PDK4: variants seen among roughly 807,000 people sequenced by gnomAD.
The protein encoded by PDK4 is pyruvate dehydrogenase kinase, isozyme 4.
PDK4 carries 43 observed loss-of-function variants against 51.7 expected under a neutral mutation model. That is an observed-to-expected ratio of 0.83 (90% CI 0.65 to 1.07). PDK4 has a LOEUF of 1.07. Among genes scored for constraint, PDK4 ranks in the 50% least tolerant of loss-of-function variants. The pLI is 0.00. For missense variants in PDK4, 498 were observed against 503.5 expected (o/e 0.99, Z 0.10); for synonymous variants, 170 against 176.6 (o/e 0.96, Z 0.30).
In PDK4 at chr7:95,596,266, T is replaced by C. The variant is rs1454319876; in HGVS notation, c.28A>G (p.Ser10Gly). 6.3e-7 allele frequency: 1 copy of C among 1,587,384 alleles called. No individual in the cohort carries two copies. The highest frequency in any genetic ancestry group is 8.6e-7 in the Non-Finnish European group (1 of 1,167,688). Residue 10 changes from serine (S) to glycine (G), a missense_variant, in exon 1 of 11, where the codon AGC becomes GGC. Transcript: ENST00000005178. Reference sequence around the variant, plus strand: ...CCGGCGCCGTTGAGCGAGCCAGCGCTGCGCAGCACGAAGCGGGCCGCCTTC... The same window carrying C: ...CCGGCGCCGTTGAGCGAGCCAGCGCCGCGCAGCACGAAGCGGGCCGCCTTC... Reference protein sequence around the residue: MKAARFVLRSAGSLNGAGLV... With the variant: MKAARFVLRGAGSLNGAGLV...
chr7:95,596,263 C>G lies in PDK4; in HGVS notation c.31G>C (p.Ala11Pro), dbSNP rs765886240. The change falls in exon 1 of 11, where the codon GCT becomes CCT. Residue 11 changes from alanine to proline, a missense_variant. By Grantham distance (27) the Ala-to-Pro change is conservative (BLOSUM62 -1). Coordinates refer to ENST00000005178, the MANE Select transcript of PDK4 (RefSeq NM_002612.4). ...AGGCCGGCGCCGTTGAGCGAGCCAGCGCTGCGCAGCACGAAGCGGGCCGCC... is the reference window on the plus strand; with the variant it reads ...AGGCCGGCGCCGTTGAGCGAGCCAGGGCTGCGCAGCACGAAGCGGGCCGCC... MKAARFVLRS[A>P]GSLNGAGLVP... 2 of 1,589,328 alleles carry G rather than the reference C, an allele frequency of 1.3e-6. No homozygotes were observed. Among genetic ancestry groups the G allele is most frequent in the Admixed American group, 3.5e-5 (2 of 56,580 alleles).
Position 95,593,705 on chromosome 7 carries a change from A to G in PDK4, c.338T>C (p.Leu113Ser), listed in dbSNP as rs2116719031. 1.3e-6 allele frequency: 2 copies of G among 1,493,292 alleles called. No individual in the cohort carries two copies. Among genetic ancestry groups the G allele is most frequent in the African/African-American group, 1.4e-5 (1 of 72,562 alleles). 92.5% of individuals were successfully genotyped at this position (1,493,292 alleles called of 1,614,324 possible). The change falls in exon 3 of 11, where the codon TTA becomes TCA. Residue 113 changes from leucine to serine, a missense_variant. Physicochemically the swap from Leu to Ser is moderately radical, Grantham distance 145 (BLOSUM62 -2). Coordinates refer to ENST00000005178, the MANE Select transcript of PDK4 (RefSeq NM_002612.4). ...TCTAATGCATAGAGCTTACTCTGAT[A>G]ATGCTTTCTGGTCATCTGGGCTTTT... ...HEKSPDDQKA[L>S]SDFVDTLIKV...
chr7:95,584,377 A>G lies in PDK4; in HGVS notation c.*1264T>C, dbSNP rs996280329. 1 of 150,134 alleles carries G rather than the reference A, an allele frequency of 6.7e-6. No individual in the cohort carries two copies. Among genetic ancestry groups the G allele is most frequent in the African/African-American group, 2.5e-5 (1 of 39,638 alleles). The allele number at this position is 150,134 out of a possible 1,614,324, so 9.3% of individuals were successfully genotyped here. On this transcript the variant is annotated 3_prime_UTR_variant, in exon 11 of 11. Coordinates refer to ENST00000005178, the MANE Select transcript of PDK4 (RefSeq NM_002612.4). ...TTCATTTTTCCATTTCTTCTTCTCT[A>G]AGAGTAATCAGCGCAACTGGTCTGC... is the stretch of plus-strand genomic sequence containing the variant.
chr7:95,593,249 TATC>T, intron 3 of PDK4, among the ~76,000 whole-genome samples: 1 of 152,098 alleles, frequency 6.6e-6, no homozygotes, highest in African/African-American at 2.4e-5. Context: ...TAATATCTAA[TATC>T]ATCATTCTAG....
rs1042295537 is a variant in PDK4, at chr7:95,583,539, C to G, written c.*2102G>C. 6.6e-5 allele frequency: 10 copies of G among 152,146 alleles called. No individual in the cohort carries two copies. Among genetic ancestry groups the G allele is most frequent in the African/African-American group, 2.4e-4 (10 of 41,446 alleles). 9.4% of individuals were successfully genotyped at this position (152,146 alleles called of 1,614,324 possible). On this transcript the variant is annotated 3_prime_UTR_variant, in exon 11 of 11. Transcript: ENST00000005178. ...AAATATTTATTATAAAAAATTATCA[C>G]ATTTCTCTGTACATAGCATAAAGAC... is the stretch of plus-strand genomic sequence containing the variant.
At chr7:95,586,737 A>T in intron 10 of PDK4, 1 of 296,404 alleles carries the variant, frequency 3.4e-6, no homozygotes. Context: ...ATTCACATGA[A>T]CATGTCCTCA....
chr7:95,595,483 G>A (rs368787692), intron 1 of PDK4, among the ~76,000 whole-genome samples: 204 of 152,178 alleles, frequency 1.3e-3, no homozygotes, highest in Middle Eastern at 3.4e-3. Context: ...TGCAGGATTC[G>A]GTCACACCAC....
chr7:95,592,883 G>T lies in PDK4; in HGVS notation c.406C>A (p.Gln136Lys). The change falls in exon 4 of 11, where the codon CAA becomes AAA. Residue 136 changes from glutamine (Q) to lysine (K), a missense_variant. Gln to Lys is a moderately conservative substitution (Grantham distance 53). Transcript: ENST00000005178. ...RHHNVVPTMA[Q>K]GIIEYKDACT... ...GCATCTTTATACTCTATGATTCCTT[G>T]TGCCATTGTAGGGACTACATTATGG... 1.2e-6 allele frequency: 2 copies of T among 1,611,584 alleles called. No individual in the cohort carries two copies. The highest frequency in any genetic ancestry group is 4.5e-5 in the East Asian group (2 of 44,820).
rs148379762 is a variant in PDK4, at chr7:95,587,469, T to C, written c.930A>G (p.Thr310=). The C allele has an allele frequency of 3.8e-5, 61 of 1,612,200 alleles. No individual in the cohort carries two copies. In the African/African-American group the frequency reaches 7.9e-4, roughly 21 times the overall value. ...TCACAGGCGTTGGTGCAGTGGAGTA[T>C]GTATAACTAAAGAGGCGGTCAATAA... The part of the protein sequence containing the change: ...LRIIDRLFSY[T]YSTAPTPVMD... The change falls in exon 9 of 11, where the codon ACA becomes ACG. Residue 310 remains threonine (T), a synonymous_variant. Coordinates refer to ENST00000005178, the MANE Select transcript of PDK4 (RefSeq NM_002612.4).
In PDK4 at chr7:95,595,084, C is replaced by G; in HGVS notation, c.211G>C (p.Glu71Gln). The change falls in exon 2 of 11, where the codon GAA (glutamate) becomes CAA (glutamine). Residue 71 changes from glutamate (E) to glutamine (Q), a missense_variant. By Grantham distance (29) the Glu-to-Gln change is conservative (BLOSUM62 2). Coordinates refer to ENST00000005178, the MANE Select transcript of PDK4 (RefSeq NM_002612.4). ...AATTGGGTCGGGAGGATATCAATTTCCTTCAGAATGTTGGCGAGTCTCACA... is the reference window on the plus strand; with the variant it reads ...AATTGGGTCGGGAGGATATCAATTTGCTTCAGAATGTTGGCGAGTCTCACA... ...LPVRLANILK[E>Q]IDILPTQLVN... 6.2e-7 allele frequency: 1 copy of G among 1,612,540 alleles called. No individual in the cohort carries two copies. Among genetic ancestry groups the G allele is most frequent in the Non-Finnish European group, 8.5e-7 (1 of 1,178,698 alleles).
chr7:95,590,534 A>G (rs1791539952), intron 6 of PDK4, among the ~76,000 whole-genome samples: 2 of 152,214 alleles, frequency 1.3e-5, no homozygotes, highest in Admixed American at 6.5e-5. Context: ...GTCTGGCACA[A>G]TCCCCTCTTT....
Position 95,584,106 on chromosome 7 carries a change from T to G in PDK4, c.*1535A>C, listed in dbSNP as rs551398653. On this transcript the variant is annotated 3_prime_UTR_variant, in exon 11 of 11. Coordinates refer to ENST00000005178, the MANE Select transcript of PDK4 (RefSeq NM_002612.4). ...TTACAATGCAGAAAAATCCTCCTTT[T>G]TTTCTATATGCCAGTTTAAATGTTA... is the stretch of plus-strand genomic sequence containing the variant. 90 of 152,304 alleles carry G rather than the reference T, an allele frequency of 5.9e-4. No homozygotes were observed. The highest frequency in any genetic ancestry group is 2.1e-3 in the African/African-American group (88 of 41,576). The allele number at this position is 152,304 out of a possible 1,614,324, so 9.4% of individuals were successfully genotyped here.
intron 1 of PDK4, 25 bp downstream of exon 1, chr7:95,596,139 G>C (rs1269599400): frequency 1.3e-6 from 2 of 1,593,082 alleles, no homozygotes; most frequent in Admixed American, 1.7e-5. Context: ...CTAGGACCCA[G>C]CTTGGGCCCT....
rs1424540890 is a variant in PDK4 at position 95,593,755 on chromosome 7, C to T, written c.288G>A (p.Leu96=). The T allele has an allele frequency of 6.4e-7, 1 of 1,552,528 alleles. No homozygotes were observed. Among genetic ancestry groups the T allele is most frequent in the East Asian group, 2.2e-5 (1 of 44,472 alleles). The part of the protein sequence containing the change: ...QLVKSWYIQS[L]MDLVEFHEKS... ...TCTCATGGAATTCCACCAAATCCAT[C>T]AGGCTCTGTATATACCTGTAAAGAA... Residue 96 remains leucine (L), a synonymous_variant, in exon 3 of 11, where the codon CTG becomes CTA. Coordinates refer to ENST00000005178, the MANE Select transcript of PDK4 (RefSeq NM_002612.4).
intron 7 of PDK4, among the ~76,000 whole-genome samples, chr7:95,588,198 A>G (rs543821941): frequency 1.5e-3 from 235 of 152,308 alleles, no homozygotes; most frequent in Non-Finnish European, 2.8e-3. Flanking sequence ...AGACTACTAT[A>G]TAACAAATGA....
At chr7:95,585,919 A>G (rs1329421532) in intron 10 of PDK4, 138 bp from the exon 11 acceptor site, 1 of 691,274 alleles carries the variant, frequency 1.4e-6, no homozygotes, top group Admixed American at 2.7e-5. Flanking sequence ...ACACAGTAAT[A>G]AGAGCACACT....
chr7:95,588,568 T>C (rs77784950), intron 7 of PDK4, among the ~76,000 whole-genome samples: 1 of 152,318 alleles, frequency 6.6e-6, no homozygotes, highest in East Asian at 1.9e-4. Context: ...TTCTAGTCAT[T>C]AGCTGTAGTG....
rs921602486 is a variant in PDK4 at position 95,591,921 on chromosome 7, A to C, written c.694+67T>G. The C allele has an allele frequency of 1.1e-5, 9 of 831,910 alleles. No individual in the cohort carries two copies. The East Asian group carries it at 2.6e-4, about 24-fold the overall frequency. The allele number at this position is 831,910 out of a possible 1,614,324, so 51.5% of individuals were successfully genotyped here. On this transcript the variant is annotated intron_variant, in intron 6 of 10. Coordinates refer to ENST00000005178, the MANE Select transcript of PDK4 (RefSeq NM_002612.4). ...ACACAGAAGTTGCTTTATATTTACA[A>C]AAAGCAATAATATTAGGAGAACACA...
intron 2 of PDK4, chr7:95,594,817 C>G (rs529525997): frequency 2.6e-5 from 9 of 347,334 alleles, no homozygotes; most frequent in Admixed American, 4.7e-5. Flanking sequence ...AAGTAATCTA[C>G]TTTTTCAGGG....
Sources: gnomAD v4.1 joint callset for allele counts (sites outside exome capture counted in the v4.1 genomes callset) on GRCh38, gnomAD v4.1.1 for gene constraint, MANE v1.5 for transcripts, NCBI Gene and HGNC (gene_info 2026-07-23, HGNC 2026-07-21) for gene names.